The following TRMT11 variants were observed in gnomAD, a reference collection of about 807,000 sequenced individuals.
The protein encoded by TRMT11 is tRNA methyltransferase 11, also known as tRNA (guanine(10)-N(2))-methyltransferase TRMT11.
In TRMT11, 53 loss-of-function variants were observed where a neutral mutation model predicts 62.8. The observed-to-expected ratio is 0.84, with a 90% CI of 0.68 to 1.06. TRMT11 has a LOEUF of 1.06. Among genes scored for constraint, TRMT11 ranks in the 50% least tolerant of loss-of-function variants. The pLI is 0.00. For missense variants in TRMT11, 556 were observed against 553.4 expected (o/e 1.00, Z -0.05); for synonymous variants, 188 against 190.3 (o/e 0.99, Z 0.10).
At chr6:126,173,981 C>T (rs151311255), upstream of TRMT11, among the ~76,000 whole-genome samples, 319 of 152,270 alleles carry the variant, frequency 2.1e-3, 1 homozygote, top group Middle Eastern at 0.017. Flanking sequence ...GTGTGAGAAG[C>T]ACTGATCCAA....
At chr6:126,146,322 C>G (rs1162030184) in intron 21 of TRMT11, among the ~76,000 whole-genome samples, 1 of 152,176 alleles carries the variant, frequency 6.6e-6, no homozygotes, top group Non-Finnish European at 1.5e-5. Flanking sequence ...GTATCCTCAT[C>G]ATGAGACATG....
chr6:125,986,664 C>G (rs1789678028), intron 1 of TRMT11, 42 bp downstream of exon 1: 1 of 1,541,394 alleles, frequency 6.5e-7, no homozygotes, highest in South Asian at 1.2e-5. Context: ...CGGAAGAGGA[C>G]GCTGGAGTGG....
chr6:126,171,866 C>T (rs1172507575), intron 21 of TRMT11, among the ~76,000 whole-genome samples: 1 of 151,964 alleles, frequency 6.6e-6, no homozygotes, highest in Non-Finnish European at 1.5e-5. Context: ...TTACGGGCAG[C>T]CTGCTACCAT....
chr6:125,991,604 C>T lies in TRMT11; in HGVS notation c.73-2153C>T, dbSNP rs1487077221. The stretch of plus-strand genomic sequence containing the variant: ...TTGCAGGTGGAGCCGCCATACCTGG[C>T]TGCTTAAAATATTAAAATCAGTGAT... On this transcript the variant is annotated intron_variant, in intron 1 of 12. Coordinates refer to ENST00000334379, the MANE Select transcript of TRMT11 (RefSeq NM_001031712.3). 3.3e-5 allele frequency among the ~76,000 whole-genome samples: 5 copies of T among 151,986 alleles called. No individual in the cohort carries two copies. The East Asian group carries it at 9.6e-4, about 29-fold the overall frequency.
chr6:126,066,606 T>C (rs932979263), intron 17 of TRMT11, among the ~76,000 whole-genome samples: 7 of 152,044 alleles, frequency 4.6e-5, no homozygotes, highest in African/African-American at 1.7e-4. Flanking sequence ...ACCATCCCAC[T>C]GGGGGTTGGG....
At chr6:126,021,732 GTCTC>G (rs1464891120) in intron 12 of TRMT11, among the ~76,000 whole-genome samples, 2 of 152,124 alleles carry the variant, frequency 1.3e-5, no homozygotes, top group African/African-American at 4.8e-5. Flanking sequence ...TTCTCTCTTT[GTCTC>G]TCTCTTACAT....
In TRMT11 at chr6:126,089,941, T is replaced by C. The variant is rs1340827938; in HGVS notation, c.*1438-22925T>C. Among the ~76,000 whole-genome samples the C allele has an allele frequency of 3.3e-5, 5 of 152,336 alleles. No homozygotes were observed. In the East Asian group the frequency reaches 9.6e-4, roughly 29 times the overall value. On this transcript the variant is annotated intron_variant and NMD_transcript_variant, in intron 17 of 22. Transcript: ENST00000648977. The stretch of plus-strand genomic sequence containing the variant: ...TTAATACAACTACCTTCAGCTTAAA[T>C]CCAATGACAGTTCAACTCCTGGTTC...
At chr6:126,046,351 T>A (rs1776056372) in intron 16 of TRMT11, among the ~76,000 whole-genome samples, 1 of 152,132 alleles carries the variant, frequency 6.6e-6, no homozygotes, top group Non-Finnish European at 1.5e-5. Flanking sequence ...TGCCAAAACA[T>A]TGTCGGATTT....
At chr6:126,271,011 C>T in the TRMT11 span, among the ~76,000 whole-genome samples, 1 of 151,996 alleles carries the variant, frequency 6.6e-6, no homozygotes, top group African/African-American at 2.4e-5. Context: ...TTAATTGGCC[C>T]CAAACATGTT....
chr6:126,081,431 C>G (rs1052082472), intron 17 of TRMT11, among the ~76,000 whole-genome samples: 1 of 152,074 alleles, frequency 6.6e-6, no homozygotes, highest in Non-Finnish European at 1.5e-5. Context: ...CACTGGTCTT[C>G]TACATTACGA....
At chr6:126,249,667 T>C in the TRMT11 span, among the ~76,000 whole-genome samples, 4 of 152,092 alleles carry the variant, frequency 2.6e-5, no homozygotes, top group Non-Finnish European at 5.9e-5. Context: ...AAAATATGCC[T>C]CTTAGAGCCT....
At chr6:126,225,673 A>G in the TRMT11 span, among the ~76,000 whole-genome samples, 1 of 144,772 alleles carries the variant, frequency 6.9e-6, no homozygotes, top group African/African-American at 2.6e-5. Context: ...TGATGAGTCA[A>G]TTATGTTTAC....
intron 1 of TRMT11, among the ~76,000 whole-genome samples, chr6:126,185,602 C>T (rs1583902934): frequency 6.6e-6 from 1 of 152,206 alleles, no homozygotes; most frequent in African/African-American, 2.4e-5. Context: ...TTACTGCTTT[C>T]CAGGGTAAAA....
intron 1 of TRMT11, among the ~76,000 whole-genome samples, chr6:126,184,955 G>T (rs1778511119): frequency 6.6e-6 from 1 of 152,196 alleles, no homozygotes; most frequent in Non-Finnish European, 1.5e-5. Flanking sequence ...ACCTGGTTTT[G>T]TGTTTGCACA....
At chr6:126,085,256 C>G (rs951662316) in intron 17 of TRMT11, among the ~76,000 whole-genome samples, 2 of 152,108 alleles carry the variant, frequency 1.3e-5, no homozygotes, top group East Asian at 3.9e-4. Flanking sequence ...AATTATTCCC[C>G]TAAAAATGTT....
chr6:126,053,970 T>C (rs899498527), intron 17 of TRMT11, among the ~76,000 whole-genome samples: 2 of 152,070 alleles, frequency 1.3e-5, no homozygotes, highest in Non-Finnish European at 2.9e-5. Context: ...GGGTAACAGT[T>C]CAACTAGTTG....
intron 21 of TRMT11, among the ~76,000 whole-genome samples, chr6:126,123,139 GTCT>G (rs1440303693): frequency 6.6e-6 from 1 of 152,128 alleles, no homozygotes; most frequent in East Asian, 1.9e-4. Flanking sequence ...ATGAGCTAAT[GTCT>G]AACAAGCACT....
At chr6:126,160,340 C>T (rs557304336) in intron 21 of TRMT11, among the ~76,000 whole-genome samples, 9 of 152,226 alleles carry the variant, frequency 5.9e-5, no homozygotes, top group Middle Eastern at 3.4e-3. Context: ...TTATTTTTCA[C>T]ACTTTTTTCC....
the TRMT11 span, among the ~76,000 whole-genome samples, chr6:126,237,854 G>A: frequency 6.6e-6 from 1 of 152,144 alleles, no homozygotes; most frequent in African/African-American, 2.4e-5. Flanking sequence ...ACTTTTTTTG[G>A]TTGGTAAGCT....
Sources: allele counts gnomAD v4.1 joint callset (sites outside exome capture counted in the v4.1 genomes callset), GRCh38; gene constraint gnomAD v4.1.1; transcripts MANE v1.5; gene names NCBI Gene and HGNC (gene_info 2026-07-23, HGNC 2026-07-21).